The following CIMIP6 variants were observed in gnomAD, a reference collection of about 807,000 sequenced individuals.
CIMIP6 encodes the protein uncharacterized protein C2orf73.
the CIMIP6 span, among the ~76,000 whole-genome samples, chr2:54,365,800 C>T: frequency 6.6e-6 from 1 of 152,110 alleles, no homozygotes; most frequent in Admixed American, 6.5e-5. Context: ...TATAGAGATT[C>T]TACAGTTTAA....
At chr2:54,335,794 C>T in the CIMIP6 span, among the ~76,000 whole-genome samples, 1 of 152,170 alleles carries the variant, frequency 6.6e-6, no homozygotes, top group Non-Finnish European at 1.5e-5. Context: ...AGGCCTAGTT[C>T]TTTCTGTGGG....
the CIMIP6 span, among the ~76,000 whole-genome samples, chr2:54,351,069 C>T: frequency 6.6e-6 from 1 of 152,094 alleles, no homozygotes; most frequent in Non-Finnish European, 1.5e-5. Flanking sequence ...AAATATGTTT[C>T]AAGTCTTTAA....
chr2:54,369,388 G>A, the CIMIP6 span, among the ~76,000 whole-genome samples: 2 of 152,168 alleles, frequency 1.3e-5, no homozygotes, highest in Non-Finnish European at 2.9e-5. Context: ...CCTACGGCAG[G>A]TCTTGGAGCA....
the CIMIP6 span, among the ~76,000 whole-genome samples, chr2:54,350,136 G>A: frequency 1.2e-4 from 18 of 152,318 alleles, no homozygotes; most frequent in African/African-American, 2.9e-4. Context: ...GATTACAGGC[G>A]TGAGCCACCA....
the CIMIP6 span, among the ~76,000 whole-genome samples, chr2:54,363,875 T>A: frequency 6.6e-6 from 1 of 152,246 alleles, no homozygotes; most frequent in Non-Finnish European, 1.5e-5. Flanking sequence ...CATGGTTGAC[T>A]GACAAATGTC....
the CIMIP6 span, among the ~76,000 whole-genome samples, chr2:54,369,227 G>T: frequency 6.6e-6 from 1 of 152,090 alleles, no homozygotes; most frequent in Non-Finnish European, 1.5e-5. Context: ...TATTTGGTGT[G>T]TATGTGTGTC....
the CIMIP6 span, among the ~76,000 whole-genome samples, chr2:54,368,632 G>A: frequency 6.6e-6 from 1 of 152,226 alleles, no homozygotes; most frequent in East Asian, 1.9e-4. Flanking sequence ...TTATGGTGAG[G>A]GGTCTTGGGC....
chr2:54,354,428 G>C, the CIMIP6 span, among the ~76,000 whole-genome samples: 10 of 152,028 alleles, frequency 6.6e-5, no homozygotes, highest in African/African-American at 2.4e-4. Flanking sequence ...TTAGGAAAAA[G>C]TCACCATTAT....
the CIMIP6 span, chr2:54,360,720 A>C: frequency 2.7e-6 from 2 of 741,472 alleles, no homozygotes; most frequent in Non-Finnish European, 4.1e-6. Flanking sequence ...ATACAACCAA[A>C]TGTTATTAAT....
the CIMIP6 span, chr2:54,360,325 G>C: frequency 6.2e-7 from 1 of 1,611,548 alleles, no homozygotes; most frequent in Non-Finnish European, 8.5e-7. Flanking sequence ...AAAAAACAGA[G>C]AAAGGAAACT....
At chr2:54,341,411 G>T in the CIMIP6 span, among the ~76,000 whole-genome samples, 3 of 152,148 alleles carry the variant, frequency 2.0e-5, no homozygotes, top group African/African-American at 7.2e-5. Flanking sequence ...ACCTGCCAGT[G>T]CCTTGATCTT....
the CIMIP6 span, among the ~76,000 whole-genome samples, chr2:54,381,409 G>A: frequency 6.6e-6 from 1 of 152,124 alleles, no homozygotes; most frequent in Non-Finnish European, 1.5e-5. Flanking sequence ...ATTTACTAAG[G>A]CTTACTTTGT....
chr2:54,379,017 A>C, the CIMIP6 span, among the ~76,000 whole-genome samples: 2 of 152,226 alleles, frequency 1.3e-5, no homozygotes, highest in African/African-American at 4.8e-5. Context: ...CTTCACACGC[A>C]GCAGGCACCC....
chr2:54,357,762 T>C, the CIMIP6 span, among the ~76,000 whole-genome samples: 20 of 151,564 alleles, frequency 1.3e-4, no homozygotes, highest in Non-Finnish European at 2.7e-4. Flanking sequence ...TTTTTTGTAT[T>C]TTTAGTAGAG....
At chr2:54,353,754 TACCAC>T in the CIMIP6 span, among the ~76,000 whole-genome samples, 1 of 152,168 alleles carries the variant, frequency 6.6e-6, no homozygotes, top group Non-Finnish European at 1.5e-5. Context: ...ACTCTGAAAT[TACCAC>T]TGATGTTCTG....
the CIMIP6 span, among the ~76,000 whole-genome samples, chr2:54,334,167 T>G: frequency 1.3e-5 from 2 of 152,220 alleles, no homozygotes; most frequent in Non-Finnish European, 2.9e-5. Flanking sequence ...CAATTTCTCC[T>G]TATTTGAAAG....
At chr2:54,374,852 G>A in the CIMIP6 span, among the ~76,000 whole-genome samples, 2 of 152,184 alleles carry the variant, frequency 1.3e-5, no homozygotes, top group Admixed American at 1.3e-4. Flanking sequence ...ACTCCCCTGC[G>A]TGTTTGCAGT....
At chr2:54,366,922 C>A in the CIMIP6 span, among the ~76,000 whole-genome samples, 3 of 152,006 alleles carry the variant, frequency 2.0e-5, no homozygotes, top group Admixed American at 6.6e-5. Context: ...TCAGTAATCT[C>A]CAAAACCTCT....
chr2:54,352,938 T>C, the CIMIP6 span, among the ~76,000 whole-genome samples: 2,846 of 152,316 alleles, frequency 0.019, 22 homozygotes, highest in Middle Eastern at 0.048. Context: ...ACATTAGATC[T>C]TTTAAACTTA....
Sources: allele counts gnomAD v4.1 joint callset (sites outside exome capture counted in the v4.1 genomes callset), GRCh38; gene constraint gnomAD v4.1.1; transcripts MANE v1.5; gene names NCBI Gene and HGNC (gene_info 2026-07-23, HGNC 2026-07-21).